Variants in BPIFC observed in about 807,000 individuals in gnomAD.
The protein encoded by BPIFC is BPI fold-containing family C protein.
BPIFC carries 60 observed loss-of-function variants against 57.6 expected under a neutral mutation model. The ratio of observed to expected loss-of-function variants is 1.04; its 90% CI spans 0.85 to 1.29. The LOEUF (loss-of-function observed/expected upper bound fraction) is 1.29, where lower values mean the gene tolerates loss of function less well. Among genes scored for constraint, BPIFC ranks in the 50% most tolerant of loss-of-function variants. The pLI is 0.00. For missense variants in BPIFC, 581 were observed against 600.5 expected (o/e 0.97, Z 0.34); for synonymous variants, 243 against 224.5 (o/e 1.08, Z -0.74).
At chr22:32,415,512 G>C (rs912134643) in intron 16 of BPIFC, among the ~76,000 whole-genome samples, 6 of 152,350 alleles carry the variant, frequency 3.9e-5, no homozygotes, top group South Asian at 2.1e-4. Flanking sequence ...CTGACTGGGA[G>C]AATCAGAAGA....
chr22:32,435,089 A>G (rs1296675159), intron 10 of BPIFC, among the ~76,000 whole-genome samples: 3 of 152,208 alleles, frequency 2.0e-5, no homozygotes, highest in African/African-American at 7.2e-5. Context: ...TTTAATGCCC[A>G]TATAAACTCT....
chr22:32,430,502 G>A (rs1934208764), intron 13 of BPIFC, among the ~76,000 whole-genome samples: 1 of 146,596 alleles, frequency 6.8e-6, no homozygotes, highest in Admixed American at 6.8e-5. Context: ...TAAAATATAG[G>A]AAATAAATAT....
chr22:32,432,863 G>A (rs1300783720), intron 11 of BPIFC, among the ~76,000 whole-genome samples: 1 of 152,136 alleles, frequency 6.6e-6, no homozygotes, highest in East Asian at 1.9e-4. Context: ...GAGGTTAAAT[G>A]ATGTTCTCAA....
intron 15 of BPIFC, 73 bp from the exon 16 acceptor site, chr22:32,416,064 C>G (rs1222842271): frequency 1.2e-6 from 1 of 828,704 alleles, no homozygotes; most frequent in Non-Finnish European, 1.8e-6. Flanking sequence ...TAGTAAGAGA[C>G]TGACTGACAG....
chr22:32,447,524 A>C (rs888673238), intron 4 of BPIFC, among the ~76,000 whole-genome samples, 184 bp from the exon 5 acceptor site: 1 of 151,894 alleles, frequency 6.6e-6, no homozygotes, highest in Admixed American at 6.6e-5. Flanking sequence ...TCAAACTCTT[A>C]CCAGGAAGTC....
chr22:32,428,270 CGCGCGCGTGTGTGTGTGTGTGTGT>C (rs1413332601), intron 13 of BPIFC, among the ~76,000 whole-genome samples: 79 of 93,282 alleles, frequency 8.5e-4, no homozygotes, highest in Non-Finnish European at 1.3e-3. Context: ...TGTGTGTGTG[CGCGCGCGTGTGTGTGTGTGTGTGT>C]GCTTTTGGAC....
At chr22:32,416,313 C>A (rs771825855) in intron 15 of BPIFC, among the ~76,000 whole-genome samples, 11 of 152,098 alleles carry the variant, frequency 7.2e-5, no homozygotes, top group Non-Finnish European at 1.6e-4. Context: ...GAACTCCTGA[C>A]CTCAGGTGAT....
chr22:32,443,162 C>CTTTT (rs57447537), intron 7 of BPIFC, among the ~76,000 whole-genome samples: 4 of 133,852 alleles, frequency 3.0e-5, no homozygotes, highest in Admixed American at 7.6e-5. Flanking sequence ...AGAGCTGGAG[C>CTTTT]TTTTTTTTTT....
chr22:32,442,458 C>G (rs1047091694), intron 8 of BPIFC, among the ~76,000 whole-genome samples: 5 of 152,166 alleles, frequency 3.3e-5, no homozygotes, highest in East Asian at 1.9e-4. Context: ...GGAGCCACCC[C>G]TCTTGTGGCA....
intron 12 of BPIFC, 134 bp downstream of exon 12, chr22:32,432,239 T>G: frequency 1.0e-6 from 1 of 977,714 alleles, no homozygotes; most frequent in Non-Finnish European, 1.5e-6. Flanking sequence ...AGCCATCACG[T>G]CCAGCCTCCA....
chr22:32,441,569 A>G (rs982385909), intron 8 of BPIFC, among the ~76,000 whole-genome samples: 1 of 152,182 alleles, frequency 6.6e-6, no homozygotes, highest in Non-Finnish European at 1.5e-5. Flanking sequence ...CAGAGGAGGC[A>G]TAACTTTACG....
chr22:32,431,439 A>ATTTATTTATTTATTTTATTTATTTT, intron 12 of BPIFC, 25 bp from the exon 13 acceptor site: 9 of 1,343,076 alleles, frequency 6.7e-6, no homozygotes, highest in Non-Finnish European at 9.5e-6. Context: ...AGCATTTATT[A>ATTTATTTATTTATTTTATTTATTTT]TTAAGACGAG....
intron 13 of BPIFC, among the ~76,000 whole-genome samples, chr22:32,429,509 GTTTTTTTT>G (rs780948561): frequency 1.1e-4 from 6 of 56,622 alleles, no homozygotes; most frequent in African/African-American, 2.1e-4. Context: ...ACTGGCCTTT[GTTTTTTTT>G]TTTTTTTTTT....
rs1934311197 is a variant in BPIFC, at chr22:32,433,735, C to A, written c.962G>T (p.Gly321Val). The A allele has an allele frequency of 6.2e-7, 1 of 1,613,854 alleles. No homozygotes were observed. Among genetic ancestry groups the A allele is most frequent in the Non-Finnish European group, 8.5e-7 (1 of 1,179,918 alleles). ...AGCACTTACCCGGGAGAGCACGTTG[C>A]CAAGGCCTTGAGAGTTTTGAACAAA... is the stretch of plus-strand genomic sequence containing the variant. Reference protein sequence around the residue: ...NHFVQNSQGLGNVLSRIAEIY... With the variant: ...NHFVQNSQGLVNVLSRIAEIY... Residue 321 changes from glycine (G) to valine (V), a missense_variant, in exon 11 of 17, where the codon GGC (glycine) becomes GTC (valine). By Grantham distance (109) the Gly-to-Val change is moderately radical. Coordinates refer to ENST00000300399, the MANE Select transcript of BPIFC (RefSeq NM_174932.3).
chr22:32,450,551 A>C (rs1934867331), intron 4 of BPIFC, among the ~76,000 whole-genome samples: 2 of 152,296 alleles, frequency 1.3e-5, no homozygotes, highest in African/African-American at 4.8e-5. Flanking sequence ...TATGTAAAAC[A>C]TTGTCATATG....
intron 7 of BPIFC, 27 bp from the exon 8 acceptor site, chr22:32,442,758 A>G: frequency 1.0e-5 from 16 of 1,606,674 alleles, no homozygotes; most frequent in Non-Finnish European, 1.3e-5. Flanking sequence ...AAAAAGAAAA[A>G]AGCAAGTTAC....
chr22:32,419,950 A>G (rs1017183360), intron 13 of BPIFC, among the ~76,000 whole-genome samples: 1 of 152,178 alleles, frequency 6.6e-6, no homozygotes, highest in Non-Finnish European at 1.5e-5. Context: ...TGGATTTGTA[A>G]CCAGGGTGGG....
At chr22:32,450,093 TACACACAC>T (rs59948938) in intron 4 of BPIFC, among the ~76,000 whole-genome samples, 5,122 of 145,496 alleles carry the variant, frequency 0.035, 203 homozygotes, top group African/African-American at 0.09. Flanking sequence ...TCAAAGAGCA[TACACACAC>T]ACACACACAC....
At chr22:32,433,586 G>C (rs1409284934) in intron 11 of BPIFC, 133 bp downstream of exon 11, 9 of 718,318 alleles carry the variant, frequency 1.3e-5, no homozygotes, top group Non-Finnish European at 1.9e-5. Context: ...GTAGATATTC[G>C]ATTACGAGAA....
Sources: gnomAD v4.1 joint callset for allele counts (sites outside exome capture counted in the v4.1 genomes callset) on GRCh38, gnomAD v4.1.1 for gene constraint, MANE v1.5 for transcripts, NCBI Gene and HGNC (gene_info 2026-07-23, HGNC 2026-07-21) for gene names.